The following SGCD variants were observed in gnomAD, a reference collection of about 807,000 sequenced individuals.
SGCD encodes the protein sarcoglycan delta.
A neutral mutation model predicts 36.6 loss-of-function variants in SGCD; 18 were observed. The observed-to-expected ratio is 0.49, with a 90% CI of 0.34 to 0.73. The LOEUF (loss-of-function observed/expected upper bound fraction) is 0.73. Ranked by LOEUF, SGCD falls within the 30% of genes least tolerant of loss-of-function variation. The pLI, the probability that SGCD is intolerant of heterozygous loss-of-function variation, is 0.01. For missense variants in SGCD, 387 were observed against 346.7 expected (o/e 1.12, Z -0.92); for synonymous variants, 133 against 130.6 (o/e 1.02, Z -0.12).
intron 3 of SGCD, among the ~76,000 whole-genome samples, chr5:156,489,344 T>A (rs1283678732): frequency 6.6e-6 from 1 of 152,038 alleles, no homozygotes; most frequent in African/African-American, 2.4e-5. Context: ...AACAAAGGCA[T>A]CAGATTTAGA....
chr5:156,336,442 C>T (rs756582748), intron 2 of SGCD, among the ~76,000 whole-genome samples: 1 of 152,074 alleles, frequency 6.6e-6, no homozygotes, highest in Non-Finnish European at 1.5e-5. Context: ...TGATAGGTAA[C>T]AAAAATGACT....
chr5:156,271,537 T>C (rs1766179611), intron 3 of SGCD, among the ~76,000 whole-genome samples: 1 of 152,214 alleles, frequency 6.6e-6, no homozygotes, highest in Non-Finnish European at 1.5e-5. Context: ...GTATAAAACA[T>C]AGCTTTATCT....
chr5:155,762,479 T>G, the SGCD span, among the ~76,000 whole-genome samples: 1 of 152,230 alleles, frequency 6.6e-6, no homozygotes, highest in East Asian at 1.9e-4. Flanking sequence ...TGTACCTTTG[T>G]ATGTTTTAAT....
intron 2 of SGCD, among the ~76,000 whole-genome samples, chr5:156,123,449 C>T (rs923687338): frequency 1.3e-4 from 20 of 152,088 alleles, no homozygotes; most frequent in African/African-American, 4.3e-4. Flanking sequence ...GAGTGATGCA[C>T]GGTCTCCTTG....
At chr5:156,550,750 A>T (rs1448623172) in intron 4 of SGCD, among the ~76,000 whole-genome samples, 3 of 152,190 alleles carry the variant, frequency 2.0e-5, no homozygotes, top group Admixed American at 6.5e-5. Flanking sequence ...CAAACAAAGG[A>T]CCTGGTTGAG....
At chr5:156,619,073 TG>T (rs1448519835) in intron 6 of SGCD, among the ~76,000 whole-genome samples, 3 of 151,396 alleles carry the variant, frequency 2.0e-5, no homozygotes, top group Admixed American at 1.3e-4. Context: ...TTGCCCAGGC[TG>T]GAGTGCAGTG....
intron 6 of SGCD, among the ~76,000 whole-genome samples, chr5:156,631,571 G>C (rs1302042268): frequency 6.6e-6 from 1 of 150,788 alleles, no homozygotes; most frequent in Admixed American, 6.7e-5. Flanking sequence ...TGTTTGTAGG[G>C]ATAGAGGAAA....
intron 3 of SGCD, among the ~76,000 whole-genome samples, chr5:156,397,802 G>A (rs1255443024): frequency 6.6e-6 from 1 of 152,116 alleles, no homozygotes; most frequent in Non-Finnish European, 1.5e-5. Context: ...GAGTTCCAAG[G>A]AAGCAGGGTA....
chr5:156,020,173 CAT>C (rs1474354450), intron 1 of SGCD, among the ~76,000 whole-genome samples: 6 of 152,166 alleles, frequency 3.9e-5, no homozygotes, highest in Admixed American at 1.3e-4. Context: ...TTATGTTGCA[CAT>C]GTTATTTTAT....
At chr5:156,332,572 G>T (rs1045255255) in intron 2 of SGCD, among the ~76,000 whole-genome samples, 10 of 152,286 alleles carry the variant, frequency 6.6e-5, no homozygotes, top group African/African-American at 2.4e-4. Flanking sequence ...CAAGGGTGGT[G>T]CATATTCTAG....
chr5:156,749,553 A>AAAGAC (rs1757072661), intron 7 of SGCD, among the ~76,000 whole-genome samples: 1 of 152,198 alleles, frequency 6.6e-6, no homozygotes, highest in African/African-American at 2.4e-5. Context: ...GGGACAAAAA[A>AAAGAC]AAGACAGACA....
At chr5:156,013,596 A>T (rs2127571398) in intron 1 of SGCD, among the ~76,000 whole-genome samples, 1 of 152,114 alleles carries the variant, frequency 6.6e-6, no homozygotes, top group East Asian at 1.9e-4. Context: ...TGATTACTGT[A>T]GTGTTTGAAC....
At chr5:156,107,293 C>G (rs1389616722) in intron 1 of SGCD, among the ~76,000 whole-genome samples, 1 of 152,080 alleles carries the variant, frequency 6.6e-6, no homozygotes, top group Admixed American at 6.6e-5. Flanking sequence ...GGTTTTAAAT[C>G]CATTTTGGAT....
intron 1 of SGCD, among the ~76,000 whole-genome samples, chr5:155,981,573 C>T (rs886270410): frequency 2.6e-5 from 4 of 152,152 alleles, no homozygotes; most frequent in African/African-American, 9.7e-5. Context: ...GCCTTTACTC[C>T]AAGTGGTTGC....
intron 4 of SGCD, among the ~76,000 whole-genome samples, chr5:156,557,156 A>G (rs1277269144): frequency 6.6e-6 from 1 of 152,018 alleles, no homozygotes; most frequent in African/African-American, 2.4e-5. Context: ...TCTTTCAAAT[A>G]TTTTCCCAGG....
intron 3 of SGCD, among the ~76,000 whole-genome samples, chr5:156,297,559 A>G (rs1766927793): frequency 6.9e-6 from 1 of 144,604 alleles, no homozygotes; most frequent in South Asian, 2.2e-4. Flanking sequence ...AACACCACAT[A>G]TTCTCACTCA....
intron 3 of SGCD, among the ~76,000 whole-genome samples, chr5:156,476,907 G>A (rs1178827299): frequency 2.6e-5 from 4 of 152,176 alleles, no homozygotes; most frequent in Admixed American, 6.5e-5. Context: ...TCTTAGCGCT[G>A]TGATCTCAGC....
Position 155,917,132 on chromosome 5 carries a change from AC to A in SGCD, c.-282+46713del, listed in dbSNP as rs1756761955. 2.0e-5 allele frequency among the ~76,000 whole-genome samples: 3 copies of A among 152,116 alleles called. No homozygotes were observed. In the South Asian group the frequency reaches 6.3e-4, roughly 32 times the overall value. On this transcript the variant is annotated intron_variant, in intron 1 of 9. Transcript: ENST00000517913. ...ATTTTGGCCCTAACTTTCTCTTTTG[AC>A]CCCCAGACATGCACCACTCTTAAGT...
intron 6 of SGCD, among the ~76,000 whole-genome samples, chr5:156,638,239 A>G (rs936449248): frequency 1.9e-4 from 29 of 152,212 alleles, no homozygotes; most frequent in African/African-American, 6.7e-4. Context: ...GACACAGCGT[A>G]TCATGGCTCC....
Sources: gnomAD v4.1 joint callset for allele counts (sites outside exome capture counted in the v4.1 genomes callset) on GRCh38, gnomAD v4.1.1 for gene constraint, MANE v1.5 for transcripts, NCBI Gene and HGNC (gene_info 2026-07-23, HGNC 2026-07-21) for gene names.